The following IGF1R variants were observed in gnomAD, a reference collection of about 807,000 sequenced individuals.
IGF1R encodes the protein insulin-like growth factor 1 receptor.
Under a neutral mutation model 144.6 loss-of-function variants are expected in IGF1R, and 44 were observed. That is an observed-to-expected ratio of 0.30 (90% CI 0.24 to 0.39). IGF1R has a LOEUF of 0.39. Among genes scored for constraint, IGF1R ranks in the 10% least tolerant of loss-of-function variants. IGF1R has a pLI of 1.00. For missense variants in IGF1R, 1,355 were observed against 1,833.7 expected (o/e 0.74, Z 4.77); for synonymous variants, 795 against 722.8 (o/e 1.10, Z -1.60).
intron 18 of IGF1R, 80 bp downstream of exon 18, chr15:98,939,440 G>A: frequency 7.1e-7 from 1 of 1,402,118 alleles, no homozygotes; most frequent in Non-Finnish European, 1.0e-6. Flanking sequence ...GTCTGCCCCT[G>A]GAGAGGTTTT....
chr15:98,771,907 T>G (rs1360302588), intron 2 of IGF1R, among the ~76,000 whole-genome samples: 1 of 132,718 alleles, frequency 7.5e-6, no homozygotes, highest in African/African-American at 3.7e-5. Flanking sequence ...TCCACTGACA[T>G]TTTTTTTTTT....
intron 2 of IGF1R, among the ~76,000 whole-genome samples, chr15:98,812,034 T>C (rs1190881274): frequency 6.6e-6 from 1 of 152,262 alleles, no homozygotes; most frequent in African/African-American, 2.4e-5. Context: ...CTAGTTCTTT[T>C]ACTTGTTCTT....
chr15:98,897,973 T>C lies in IGF1R; in HGVS notation c.1102+1068T>C, dbSNP rs144578635. On this transcript the variant is annotated intron_variant, in intron 4 of 20. Transcript: ENST00000650285. ...GAGGAAAAATAATGTATTTTGAGAA[T>C]GTGTTTTCCTTAATATTTGTTAAAT... 3.1e-3 allele frequency among the ~76,000 whole-genome samples: 475 copies of C among 151,982 alleles called. 4 individuals are homozygous for C. Among genetic ancestry groups the C allele is most frequent in the African/African-American group, 0.011 (456 of 41,448 alleles).
chr15:98,778,398 C>G (rs981774606), intron 2 of IGF1R, among the ~76,000 whole-genome samples: 2 of 152,186 alleles, frequency 1.3e-5, no homozygotes, highest in Non-Finnish European at 2.9e-5. Context: ...TATAGTCACT[C>G]ATTCTGTTAT....
chr15:98,884,200 C>T (rs2141637733), intron 2 of IGF1R, among the ~76,000 whole-genome samples: 1 of 152,234 alleles, frequency 6.6e-6, no homozygotes, highest in East Asian at 1.9e-4. Flanking sequence ...CCTGGGTCCC[C>T]CGGGCATCCT....
chr15:98,877,637 A>G (rs1470924547), intron 2 of IGF1R, among the ~76,000 whole-genome samples: 1 of 151,974 alleles, frequency 6.6e-6, no homozygotes, highest in Non-Finnish European at 1.5e-5. Context: ...ATAGGTGTGT[A>G]TCCTCCTAAG....
At chr15:98,651,138 C>G in intron 1 of IGF1R, 2 of 864,714 alleles carry the variant, frequency 2.3e-6, no homozygotes, top group African/African-American at 1.8e-5. Flanking sequence ...GAAAAAATCA[C>G]GACTGAGCCT....
At chr15:98,788,060 CTCTGTGTGTG>C (rs2056044622) in intron 2 of IGF1R, among the ~76,000 whole-genome samples, 1 of 130,630 alleles carries the variant, frequency 7.7e-6, no homozygotes, top group African/African-American at 3.0e-5. Flanking sequence ...CTCTCTCTCT[CTCTGTGTGTG>C]TGTGTGTGTG....
intron 2 of IGF1R, among the ~76,000 whole-genome samples, chr15:98,763,812 G>T (rs963945878): frequency 6.6e-6 from 1 of 152,180 alleles, no homozygotes; most frequent in Non-Finnish European, 1.5e-5. Context: ...GTCCAGGTGT[G>T]CTTGTAGATG....
chr15:98,762,777 G>A (rs1016487758), intron 2 of IGF1R, among the ~76,000 whole-genome samples: 4 of 151,734 alleles, frequency 2.6e-5, no homozygotes, highest in African/African-American at 9.7e-5. Context: ...GCTGGGCACG[G>A]TGGCTCATGT....
Position 98,649,525 on chromosome 15 carries a change from CTTTTTTTTTTTTT to C in IGF1R, c.-45_-33del, listed in dbSNP as rs544674838. ...TCATTTCCTTTTTTTCTTTTCTTTT[CTTTTTTTTTTTTT>C]TTTTTTTTTTTGAGAAAGGGGAATT... is the stretch of plus-strand genomic sequence containing the variant. On this transcript the variant is annotated 5_prime_UTR_variant, in exon 1 of 21. Coordinates refer to ENST00000650285, the MANE Select transcript of IGF1R (RefSeq NM_000875.5). The C allele has an allele frequency of 2.4e-4, 176 of 725,914 alleles. 3 individuals carry two copies. Among genetic ancestry groups the C allele is most frequent in the Middle Eastern group, 6.3e-4 (2 of 3,194 alleles). 45.0% of individuals were successfully genotyped at this position (725,914 alleles called of 1,614,324 possible).
At chr15:98,904,113 C>T (rs1332232955) in intron 5 of IGF1R, among the ~76,000 whole-genome samples, 3 of 143,468 alleles carry the variant, frequency 2.1e-5, no homozygotes, top group East Asian at 2.1e-4. Context: ...AGTGCAGTGG[C>T]GCTGTCTCGG....
intron 2 of IGF1R, among the ~76,000 whole-genome samples, chr15:98,886,382 G>A (rs532810910): frequency 1.5e-4 from 23 of 152,306 alleles, no homozygotes; most frequent in Admixed American, 4.6e-4. Flanking sequence ...TTTAGTGGTG[G>A]ATGTGGGACA....
chr15:98,752,082 G>A (rs1370661618), intron 2 of IGF1R, among the ~76,000 whole-genome samples: 1 of 152,184 alleles, frequency 6.6e-6, no homozygotes. Flanking sequence ...GGTTCTTTGC[G>A]TGCTGAGTTG....
chr15:98,902,619 T>C (rs940008020), intron 5 of IGF1R, among the ~76,000 whole-genome samples: 1 of 151,832 alleles, frequency 6.6e-6, no homozygotes, highest in African/African-American at 2.4e-5. Flanking sequence ...TTTCACCGTG[T>C]TGTTCAGGCT....
At chr15:98,680,933 TAC>T (rs1234994939) in intron 1 of IGF1R, among the ~76,000 whole-genome samples, 2 of 151,500 alleles carry the variant, frequency 1.3e-5, no homozygotes, top group Non-Finnish European at 2.9e-5. Context: ...TATGTTTAAA[TAC>T]ACACATACTT....
intron 2 of IGF1R, among the ~76,000 whole-genome samples, chr15:98,874,461 G>A (rs921646207): frequency 2.0e-5 from 3 of 152,128 alleles, no homozygotes; most frequent in African/African-American, 4.8e-5. Context: ...GAAAATTTGC[G>A]GGTTGTTTGT....
At chr15:98,806,500 A>C (rs954155327) in intron 2 of IGF1R, among the ~76,000 whole-genome samples, 2 of 152,024 alleles carry the variant, frequency 1.3e-5, no homozygotes, top group African/African-American at 4.8e-5. Context: ...AAAAAAAAAA[A>C]CAAAAAACTG....
intron 2 of IGF1R, among the ~76,000 whole-genome samples, chr15:98,799,716 A>G (rs2056321639): frequency 6.6e-6 from 1 of 152,120 alleles, no homozygotes; most frequent in Admixed American, 6.5e-5. Context: ...CCTTCCCAGA[A>G]TGGCTGATCC....
Sources: gnomAD v4.1 joint callset for allele counts (sites outside exome capture counted in the v4.1 genomes callset) on GRCh38, gnomAD v4.1.1 for gene constraint, MANE v1.5 for transcripts, NCBI Gene and HGNC (gene_info 2026-07-23, HGNC 2026-07-21) for gene names.